The following TBC1D14 variants were observed in gnomAD, a reference collection of about 807,000 sequenced individuals.
TBC1D14 encodes TBC1 domain family, member 14.
In TBC1D14, 26 loss-of-function variants were observed where a neutral mutation model predicts 79.0. The observed-to-expected ratio is 0.33, with a 90% CI of 0.24 to 0.46. The LOEUF is 0.46. TBC1D14 is among the 20% of genes least tolerant of loss of function. The pLI, the probability that TBC1D14 is intolerant of heterozygous loss-of-function variation, is 1.00. For missense variants in TBC1D14, 769 were observed against 887.6 expected (o/e 0.87, Z 1.70); for synonymous variants, 394 against 349.9 (o/e 1.13, Z -1.40).
chr4:6,911,949 T>C (rs1419920511), intron 1 of TBC1D14, among the ~76,000 whole-genome samples: 1 of 152,194 alleles, frequency 6.6e-6, no homozygotes, highest in Admixed American at 6.5e-5. Flanking sequence ...GTTTGTTAAC[T>C]TTAAAAAAAT....
At chr4:6,935,411 A>G (rs550357390) in intron 2 of TBC1D14, among the ~76,000 whole-genome samples, 3 of 152,096 alleles carry the variant, frequency 2.0e-5, no homozygotes, top group Non-Finnish European at 4.4e-5. Context: ...TCAACAGAGA[A>G]GTGGCTTCAG....
chr4:6,999,540 G>A (rs1029545941), intron 6 of TBC1D14, among the ~76,000 whole-genome samples: 5 of 152,204 alleles, frequency 3.3e-5, no homozygotes, highest in African/African-American at 9.6e-5. Context: ...TTAGTGAGGT[G>A]GCCTGCCTTC....
intron 1 of TBC1D14, 82 bp from the exon 2 acceptor site, chr4:6,923,291 A>G: frequency 6.9e-7 from 1 of 1,448,762 alleles, no homozygotes; most frequent in Non-Finnish European, 9.3e-7. Context: ...AAGTGAGATC[A>G]GACCATTTCA....
intron 2 of TBC1D14, among the ~76,000 whole-genome samples, chr4:6,928,480 C>T (rs1479391758): frequency 2.6e-5 from 4 of 152,062 alleles, no homozygotes; most frequent in Non-Finnish European, 4.4e-5. Context: ...GTCACTTAGC[C>T]CCTGCGATCG....
At chr4:7,017,879 C>G (rs140621309) in intron 12 of TBC1D14, among the ~76,000 whole-genome samples, 2 of 152,346 alleles carry the variant, frequency 1.3e-5, no homozygotes, top group Admixed American at 1.3e-4. Context: ...CGCAGTGATT[C>G]AGGCTCCTTG....
chr4:6,971,150 G>A (rs1377706936), intron 3 of TBC1D14, among the ~76,000 whole-genome samples: 3 of 152,248 alleles, frequency 2.0e-5, no homozygotes, highest in Non-Finnish European at 4.4e-5. Flanking sequence ...TTGCAGGCTT[G>A]GGTTTGGTTT....
At chr4:6,926,167 C>T (rs566881560) in intron 2 of TBC1D14, among the ~76,000 whole-genome samples, 1 of 152,370 alleles carries the variant, frequency 6.6e-6, no homozygotes, top group South Asian at 2.1e-4. Flanking sequence ...CTCGCACGTT[C>T]TGTCTCCGCT....
rs552745550 is a variant in TBC1D14, at chr4:7,018,428, C to T, written c.1757+3871C>T. Among the ~76,000 whole-genome samples, 3 of 152,296 alleles carry T rather than the reference C, an allele frequency of 2.0e-5. No individual in the cohort carries two copies. The East Asian group carries it at 5.8e-4, about 29-fold the overall frequency. On this transcript the variant is annotated intron_variant, in intron 12 of 13. Transcript: ENST00000409757. ...ACACTGCCTGCCCACCAAACCTGCT[C>T]CCCACCGCCCCAGCTCCACCCACTC...
chr4:6,938,908 C>T (rs368739416), intron 2 of TBC1D14, among the ~76,000 whole-genome samples: 9 of 152,206 alleles, frequency 5.9e-5, no homozygotes, highest in Non-Finnish European at 7.3e-5. Context: ...GAAGAGTATC[C>T]GTCCCGGCTG....
intron 8 of TBC1D14, among the ~76,000 whole-genome samples, chr4:7,005,290 C>T (rs1244067274): frequency 6.6e-6 from 1 of 152,068 alleles, no homozygotes; most frequent in Admixed American, 6.5e-5. Context: ...AATCCCAGCA[C>T]TTTGGGAGGC....
intron 12 of TBC1D14, among the ~76,000 whole-genome samples, chr4:7,020,638 T>C (rs538664711): frequency 8.5e-5 from 13 of 152,384 alleles, no homozygotes; most frequent in African/African-American, 3.1e-4. Flanking sequence ...CTTTCCCTTT[T>C]ACTTTAAGCT....
intron 1 of TBC1D14, among the ~76,000 whole-genome samples, chr4:6,916,493 C>A (rs570374075): frequency 6.6e-6 from 1 of 152,246 alleles, no homozygotes; most frequent in East Asian, 1.9e-4. Context: ...AAGACAGTTC[C>A]CACTGCTTTT....
chr4:6,948,024 C>T (rs576002363), intron 2 of TBC1D14, among the ~76,000 whole-genome samples: 189 of 152,204 alleles, frequency 1.2e-3, no homozygotes, highest in Non-Finnish European at 1.9e-3. Flanking sequence ...TAAATGTGGA[C>T]GTGCTTTGGG....
intron 2 of TBC1D14, among the ~76,000 whole-genome samples, chr4:6,947,164 C>T (rs1011866508): frequency 8.6e-5 from 13 of 151,592 alleles, no homozygotes; most frequent in Non-Finnish European, 1.8e-4. Flanking sequence ...AGTTCAAGAC[C>T]AGCCTGGCCA....
rs1480616741 is a variant in TBC1D14, at chr4:7,018,577, A to T, written c.1757+4020A>T. Among the ~76,000 whole-genome samples, 9 of 152,314 alleles carry T rather than the reference A, an allele frequency of 5.9e-5. No individual in the cohort carries two copies. In the South Asian group the frequency reaches 1.9e-3, roughly 32 times the overall value. On this transcript the variant is annotated intron_variant, in intron 12 of 13. Coordinates refer to ENST00000409757, the MANE Select transcript of TBC1D14 (RefSeq NM_020773.3). ...AGGTCAAAGAATGCGTCTGTGCCTGAGGGTCACCTTCCTCGGTCCCTTTTC... is the reference window on the plus strand; with the variant it reads ...AGGTCAAAGAATGCGTCTGTGCCTGTGGGTCACCTTCCTCGGTCCCTTTTC...
chr4:6,964,798 T>C (rs975409688), intron 2 of TBC1D14, among the ~76,000 whole-genome samples: 1 of 152,218 alleles, frequency 6.6e-6, no homozygotes, highest in Non-Finnish European at 1.5e-5. Flanking sequence ...TGTTTTATTT[T>C]TTTGAAAGTT....
At chr4:6,949,747 G>A (rs1015302562) in intron 2 of TBC1D14, among the ~76,000 whole-genome samples, 6 of 148,398 alleles carry the variant, frequency 4.0e-5, no homozygotes, top group African/African-American at 1.2e-4. Context: ...TCCACATTTC[G>A]TAGTTTTGTT....
chr4:6,946,129 C>T (rs1308169646), intron 2 of TBC1D14, among the ~76,000 whole-genome samples: 2 of 152,028 alleles, frequency 1.3e-5, no homozygotes, highest in South Asian at 2.1e-4. Context: ...AGACAAGCCC[C>T]GTGAGGATGG....
In TBC1D14 at chr4:6,977,592, A is replaced by G. The variant is rs1477160218; in HGVS notation, c.843+10168A>G. Among the ~76,000 whole-genome samples the G allele has an allele frequency of 8.1e-5, 11 of 135,744 alleles. No individual in the cohort carries two copies. The South Asian group carries it at 2.8e-3, about 34-fold the overall frequency. The allele number at this position is 135,744 out of a possible 152,430, so 89.1% of individuals were successfully genotyped here. On this transcript the variant is annotated intron_variant, in intron 3 of 13. Coordinates refer to ENST00000409757, the MANE Select transcript of TBC1D14 (RefSeq NM_020773.3). ...TCTGCCTGGCCGCCCATCGTCTGGG[A>G]TGTGAGGAGCCTCTCTGCCTGGCTA... is the stretch of plus-strand genomic sequence containing the variant.
Sources: gnomAD v4.1 joint callset for allele counts (sites outside exome capture counted in the v4.1 genomes callset) on GRCh38, gnomAD v4.1.1 for gene constraint, MANE v1.5 for transcripts, NCBI Gene and HGNC (gene_info 2026-07-23, HGNC 2026-07-21) for gene names.